RRBP1: variants seen among roughly 807,000 people sequenced by gnomAD.
RRBP1 encodes the protein ribosome binding protein 1, also known as ribosome-binding protein 1.
Under a neutral mutation model 165.2 loss-of-function variants are expected in RRBP1, and 94 were observed. The observed-to-expected ratio is 0.57, with a 90% CI of 0.48 to 0.68. The LOEUF is 0.68. Among genes scored for constraint, RRBP1 ranks in the 30% least tolerant of loss-of-function variants. The pLI is 0.00. For missense variants in RRBP1, 1,676 were observed against 1,763.0 expected, an observed-to-expected ratio of 0.95 and a Z score of 0.88; for synonymous variants, 680 against 714.5, an observed-to-expected ratio of 0.95 and a Z score of 0.77.
Position 17,633,997 on chromosome 20 carries a change from G to A in RRBP1, c.2457-384C>T, listed in dbSNP as rs146597578. Among the ~76,000 whole-genome samples, 398 of 152,312 alleles carry A rather than the reference G, an allele frequency of 2.6e-3. 4 individuals are homozygous for A. Among genetic ancestry groups the A allele is most frequent in the African/African-American group, 7.8e-3 (323 of 41,568 alleles). ...GTGGGCAGCAGCCCACGGAGTCCACGCGCCCCCTCACTGGCCAGCTGGACC... is the reference window on the plus strand; with the variant it reads ...GTGGGCAGCAGCCCACGGAGTCCACACGCCCCCTCACTGGCCAGCTGGACC... On this transcript the variant is annotated intron_variant, in intron 7 of 24. Coordinates refer to ENST00000377813, the MANE Select transcript of RRBP1 (RefSeq NM_001365613.2).
Position 17,658,871 on chromosome 20 carries a change from T to C in RRBP1, c.1637A>G (p.Gln546Arg), listed in dbSNP as rs760368495. ...QGKKGEGAPI[Q>R]GKKADSVANQ... ...AGCAACCGAATCTGCCTTTTTGCCCTGGATGGGAGCTCCCTCTCCTTTTTT... is the reference window on the plus strand; with the variant it reads ...AGCAACCGAATCTGCCTTTTTGCCCCGGATGGGAGCTCCCTCTCCTTTTTT... The change falls in exon 3 of 25, where the codon CAG (glutamine) becomes CGG (arginine). Residue 546 changes from glutamine (Q) to arginine (R), a missense_variant. Around this residue, in one of 5 missense-constraint regions of RRBP1, gnomAD observed 1,184 missense variants for 1,167.1 expected, o/e 1.01. Transcript: ENST00000377813. 2.0e-5 allele frequency: 33 copies of C among 1,613,688 alleles called. No homozygotes were observed. Among genetic ancestry groups the C allele is most frequent in the Non-Finnish European group, 2.6e-5 (31 of 1,179,918 alleles).
rs757179150 is a variant in RRBP1 at position 17,641,847 on chromosome 20, C to G, written c.2134G>C (p.Glu712Gln). Residue 712 changes from glutamate to glutamine, a missense_variant, in exon 5 of 25, where the codon GAA (glutamate) becomes CAA (glutamine). Physicochemically the swap from Glu to Gln is conservative, Grantham distance 29 (BLOSUM62 2). Transcript: ENST00000377813. ...TTGGCGACAGCCGCATCTTCCTGTT[C>G]TGTGGCCAGCAGTTTTTCCTTCTCT... Reference protein sequence around the residue: ...LEEKEKLLATEQEDAAVAKSK... With the variant: ...LEEKEKLLATQQEDAAVAKSK... 6.2e-7 allele frequency: 1 copy of G among 1,613,946 alleles called. No homozygotes were observed. The highest frequency in any genetic ancestry group is 2.2e-5 in the East Asian group (1 of 44,898).
chr20:17,625,740 C>A (rs2036005674), intron 11 of RRBP1, 138 bp from the exon 12 acceptor site: 1 of 674,268 alleles, frequency 1.5e-6, no homozygotes, highest in Non-Finnish European at 2.6e-6. Flanking sequence ...TGGCTGCCCC[C>A]ACCTCACCCA....
At chr20:17,638,966 C>A (rs1167436153) in intron 5 of RRBP1, among the ~76,000 whole-genome samples, 1 of 152,202 alleles carries the variant, frequency 6.6e-6, no homozygotes, top group Non-Finnish European at 1.5e-5. Context: ...GGTAAACCCT[C>A]TGAGGGTCCC....
intron 8 of RRBP1, 82 bp from the exon 9 acceptor site, chr20:17,630,043 C>A (rs953905684): frequency 3.5e-5 from 51 of 1,451,110 alleles, no homozygotes; most frequent in Non-Finnish European, 4.7e-5. Context: ...GCGGACAGAG[C>A]TCTTTACCCC....
chr20:17,655,876 G>A (rs2036636519), intron 3 of RRBP1, among the ~76,000 whole-genome samples: 1 of 152,134 alleles, frequency 6.6e-6, no homozygotes, highest in African/African-American at 2.4e-5. Flanking sequence ...GATGTCTCCT[G>A]GATCCTGACT....
intron 3 of RRBP1, among the ~76,000 whole-genome samples, chr20:17,644,444 C>T (rs554371130): frequency 6.6e-6 from 1 of 152,328 alleles, no homozygotes; most frequent in East Asian, 1.9e-4. Flanking sequence ...ACATGCATGG[C>T]TCACTCTCGG....
chr20:17,657,440 C>T (rs1187549735), intron 3 of RRBP1, among the ~76,000 whole-genome samples: 1 of 152,220 alleles, frequency 6.6e-6, no homozygotes, highest in Admixed American at 6.5e-5. Flanking sequence ...CAGCTAAAGA[C>T]ACAGGGCCTG....
At chr20:17,662,643 G>GT (rs1318269314) in intron 2 of RRBP1, among the ~76,000 whole-genome samples, 1 of 152,162 alleles carries the variant, frequency 6.6e-6, no homozygotes, top group African/African-American at 2.4e-5. Context: ...CATCGAGGGA[G>GT]GATACCAGGA....
rs2036709308 is a variant in RRBP1, at chr20:17,659,304, C to A, written c.1204G>T (p.Ala402Ser). ...TTGCCCTGGTTCTGGGCACCCTCAG[C>A]CTTCTTGCCCTGGTTCTGGGCCCCT... ...VEGAQNQGKK[A>S]EGAQNQGKKA... The change falls in exon 3 of 25, where the codon GCT becomes TCT. Residue 402 changes from alanine to serine, a missense_variant. This residue lies in a region of RRBP1 where 78 missense variants were observed against 115.6 expected (regional missense o/e 0.67). Coordinates refer to ENST00000377813, the MANE Select transcript of RRBP1 (RefSeq NM_001365613.2). 1.2e-5 allele frequency: 18 copies of A among 1,540,032 alleles called. No homozygotes were observed. The highest frequency in any genetic ancestry group is 1.6e-5 in the Non-Finnish European group (18 of 1,143,784).
rs745649393 is a variant in RRBP1 at position 17,621,697 on chromosome 20, G to A, written c.3317C>T (p.Pro1106Leu). 2 of 1,613,638 alleles carry A rather than the reference G, an allele frequency of 1.2e-6. No homozygotes were observed. Among genetic ancestry groups the A allele is most frequent in the Non-Finnish European group, 1.7e-6 (2 of 1,179,922 alleles). The change falls in exon 15 of 25, where the codon CCC (proline) becomes CTC (leucine). Residue 1106 changes from proline (P) to leucine (L), a missense_variant. Physicochemically the swap from Pro to Leu is moderately conservative, Grantham distance 98. Transcript: ENST00000377813. ...CCAGGCAGCCACACTTACCGAGGAG[G>A]GCTCCGCGGGAGCTGGCGGGTGCTT... ...LLKHPPAPAE[P>L]SSDLASKLRE...
intron 3 of RRBP1, among the ~76,000 whole-genome samples, chr20:17,645,207 G>A (rs1032521842): frequency 3.9e-5 from 6 of 152,192 alleles, no homozygotes; most frequent in South Asian, 4.1e-4. Flanking sequence ...TGGAGGGCAC[G>A]CGCTCTAGGA....
At chr20:17,616,887 C>T (rs372942674) in intron 20 of RRBP1, 48 bp from the exon 21 acceptor site, 65 of 1,392,154 alleles carry the variant, frequency 4.7e-5, no homozygotes, top group Non-Finnish European at 6.3e-5. Flanking sequence ...AGTCGCACAC[C>T]CACCATGCTC....
chr20:17,663,629 C>T (rs1039863021), intron 2 of RRBP1, among the ~76,000 whole-genome samples: 14 of 152,228 alleles, frequency 9.2e-5, no homozygotes, highest in Admixed American at 9.2e-4. Flanking sequence ...TGAAAAACAA[C>T]CTTTCTGCTG....
rs2122234156 is a variant in RRBP1, at chr20:17,615,583, T to C, written c.3952-54A>G. On this transcript the variant is annotated intron_variant, in intron 22 of 24. Transcript: ENST00000377813. ...TGAGACGTCTTATAAACGGCTGTGC[T>C]GTCAAGACCCTACCGAGCACGCCTG... is the stretch of plus-strand genomic sequence containing the variant. 7 of 1,448,848 alleles carry C rather than the reference T, an allele frequency of 4.8e-6. No individual in the cohort carries two copies. The South Asian group carries it at 5.2e-5, about 11-fold the overall frequency. The allele number at this position is 1,448,848 out of a possible 1,614,324, so 89.7% of individuals were successfully genotyped here.
intron 9 of RRBP1, among the ~76,000 whole-genome samples, chr20:17,629,051 G>C (rs1406319182): frequency 1.3e-5 from 2 of 152,264 alleles, no homozygotes; most frequent in African/African-American, 4.8e-5. Context: ...AGTTGTGACA[G>C]AGACTGGCCA....
intron 20 of RRBP1, among the ~76,000 whole-genome samples, chr20:17,617,858 C>CA (rs2035831408): frequency 6.6e-6 from 1 of 152,264 alleles, no homozygotes; most frequent in African/African-American, 2.4e-5. Flanking sequence ...TTTAAAAAAA[C>CA]ACCGCAGATC....
intron 9 of RRBP1, among the ~76,000 whole-genome samples, chr20:17,629,119 T>C (rs1327517538): frequency 6.6e-6 from 1 of 152,358 alleles, no homozygotes; most frequent in South Asian, 2.1e-4. Context: ...CTGAACACAG[T>C]CCCTGTGTAG....
chr20:17,678,448 A>C (rs1050556192), intron 2 of RRBP1, among the ~76,000 whole-genome samples: 3 of 152,214 alleles, frequency 2.0e-5, no homozygotes, highest in Admixed American at 6.5e-5. Flanking sequence ...AATGCACACA[A>C]AGAGGCGGGA....
Sources: gnomAD v4.1 joint callset for allele counts (sites outside exome capture counted in the v4.1 genomes callset) on GRCh38, gnomAD v4.1.1 for gene constraint, gnomAD v4.1.1 regional missense constraint, MANE v1.5 for transcripts, NCBI Gene and HGNC (gene_info 2026-07-23, HGNC 2026-07-21) for gene names.